KIAA1671: variants seen among roughly 807,000 people sequenced by gnomAD.
KIAA1671 encodes the protein uncharacterized protein KIAA1671.
Under a neutral mutation model 131.2 loss-of-function variants are expected in KIAA1671, and 52 were observed. That is an observed-to-expected ratio of 0.40 (90% CI 0.32 to 0.50). The LOEUF (loss-of-function observed/expected upper bound fraction) is 0.50. Among genes scored for constraint, KIAA1671 ranks in the 20% least tolerant of loss-of-function variants. The probability of loss-of-function intolerance (pLI) is 0.73; values close to 1 mark genes in which losing one functional copy is unlikely to be tolerated. For synonymous variants in KIAA1671, 1,003 were observed against 961.6 expected (o/e 1.04, Z -0.80); for missense variants, 2,360 against 2,364.2 (o/e 1.00, Z 0.04).
intron 1 of KIAA1671, among the ~76,000 whole-genome samples, chr22:25,021,790 T>C (rs1173486933): frequency 6.6e-6 from 1 of 151,964 alleles, no homozygotes; most frequent in African/African-American, 2.4e-5. Flanking sequence ...CCTGGCTCTT[T>C]TTCATTTTTT....
Position 25,039,666 on chromosome 22 carries a change from G to A in KIAA1671, c.2536G>A (p.Ala846Thr). Residue 846 changes from alanine to threonine, a missense_variant, in exon 5 of 13, where the codon GCC (alanine) becomes ACC (threonine). Physicochemically the swap from Ala to Thr is moderately conservative, Grantham distance 58. Around this residue, in one of 3 missense-constraint regions of KIAA1671, gnomAD observed 1,185 missense variants for 1,126.2 expected, o/e 1.05. Coordinates refer to ENST00000358431, the MANE Select transcript of KIAA1671 (RefSeq NM_001145206.2). ...CAGCGAAGAGCACTGTGCTCCCGGG[G>A]CCACCTCCGTCAGGGCTATCAAGGC... Reference protein sequence around the residue: ...AVSEEHCAPGATSVRAIKAAI... With the variant: ...AVSEEHCAPGTTSVRAIKAAI... 6.5e-7 allele frequency: 1 copy of A among 1,533,202 alleles called. No individual in the cohort carries two copies. Among genetic ancestry groups the A allele is most frequent in the Admixed American group, 2.0e-5 (1 of 50,382 alleles). 95.0% of individuals were successfully genotyped at this position (1,533,202 alleles called of 1,614,324 possible).
intron 6 of KIAA1671, among the ~76,000 whole-genome samples, chr22:25,119,805 C>T (rs556972819): frequency 3.3e-5 from 5 of 152,264 alleles, no homozygotes; most frequent in South Asian, 2.1e-4. Flanking sequence ...GAGGCAGGTT[C>T]GTGCCTGGTG....
intron 1 of KIAA1671, among the ~76,000 whole-genome samples, chr22:24,977,950 C>G (rs747254882): frequency 3.9e-5 from 6 of 152,168 alleles, no homozygotes; most frequent in Non-Finnish European, 7.3e-5. Context: ...TCTTTCAGAA[C>G]CTCAGGGCTC....
intron 6 of KIAA1671, among the ~76,000 whole-genome samples, chr22:25,144,581 T>C (rs1331119588): frequency 6.6e-6 from 1 of 152,224 alleles, no homozygotes; most frequent in African/African-American, 2.4e-5. Flanking sequence ...GGAATACCCT[T>C]CGGAGTCTCA....
At chr22:24,988,544 C>A (rs1194686524) in intron 1 of KIAA1671, among the ~76,000 whole-genome samples, 1 of 151,196 alleles carries the variant, frequency 6.6e-6, no homozygotes, top group African/African-American at 2.4e-5. Context: ...AGTTCAAGAC[C>A]AGCCACATGG....
At chr22:25,073,834 C>T (rs144004114) in intron 6 of KIAA1671, among the ~76,000 whole-genome samples, 9 of 152,290 alleles carry the variant, frequency 5.9e-5, no homozygotes, top group South Asian at 4.1e-4. Flanking sequence ...GCTGAGACTA[C>T]AGGTGCGTGC....
intron 6 of KIAA1671, among the ~76,000 whole-genome samples, chr22:25,136,855 GT>G (rs1932699711): frequency 6.6e-6 from 1 of 152,180 alleles, no homozygotes; most frequent in Admixed American, 6.5e-5. Context: ...CTTTTCCCTA[GT>G]TGGGGGATAG....
rs377079113 is a variant in KIAA1671 at position 24,952,997 on chromosome 22, G to A, written c.-208+225G>A. ...GAGGGAGGATCCCGGTTTGGGAGCC[G>A]GGGAATCCGTCTCCCGAGACTTGAG... On this transcript the variant is annotated intron_variant, in intron 1 of 12. Coordinates refer to ENST00000358431, the MANE Select transcript of KIAA1671 (RefSeq NM_001145206.2). The surrounding 1 kb of genome is among the most constrained non-coding windows in gnomAD (Gnocchi z 4.5). Among the ~76,000 whole-genome samples, 5 of 152,206 alleles carry A rather than the reference G, an allele frequency of 3.3e-5. No individual in the cohort carries two copies. The highest frequency in any genetic ancestry group is 4.8e-5 in the African/African-American group (2 of 41,470).
Position 25,041,306 on chromosome 22 carries a change from T to C in KIAA1671, c.4176T>C (p.Gly1392=), listed in dbSNP as rs1926910751. The part of the protein sequence containing the change: ...RGEEDSVAQW[G]DHPRDCGRVP... ...AGGAGGACAGTGTGGCCCAGTGGGG[T>C]GACCACCCACGTGACTGTGGACGGG... Residue 1392 remains glycine, a synonymous_variant, in exon 5 of 13, where the codon GGT becomes GGC. Transcript: ENST00000358431. The C allele has an allele frequency of 1.3e-6, 2 of 1,551,478 alleles. No individual in the cohort carries two copies. The highest frequency in any genetic ancestry group is 8.7e-7 in the Non-Finnish European group (1 of 1,146,956).
intron 6 of KIAA1671, among the ~76,000 whole-genome samples, chr22:25,134,076 C>G (rs1932569809): frequency 6.6e-6 from 1 of 152,230 alleles, no homozygotes; most frequent in South Asian, 2.1e-4. Flanking sequence ...CTCTTTGGAG[C>G]AAGCCTGAAG....
intron 6 of KIAA1671, among the ~76,000 whole-genome samples, chr22:25,068,443 GT>G (rs925581733): frequency 0.017 from 2,434 of 146,690 alleles, 36 homozygotes; most frequent in Non-Finnish European, 0.024. Flanking sequence ...TTTTTTTGTT[GT>G]TTTTTTTTTT....
At chr22:25,099,282 G>A (rs1930534978) in intron 6 of KIAA1671, among the ~76,000 whole-genome samples, 1 of 152,172 alleles carries the variant, frequency 6.6e-6, no homozygotes, top group African/African-American at 2.4e-5. Context: ...CAGAGAAGGT[G>A]AGGCTCAGAG....
At chr22:24,961,844 C>T (rs1226353522) in intron 1 of KIAA1671, among the ~76,000 whole-genome samples, 1 of 152,188 alleles carries the variant, frequency 6.6e-6, no homozygotes, top group Non-Finnish European at 1.5e-5. Flanking sequence ...GAGGGTCTGC[C>T]TGGAGGGCAT....
chr22:25,082,498 A>G (rs1929463998), intron 6 of KIAA1671, among the ~76,000 whole-genome samples: 1 of 152,202 alleles, frequency 6.6e-6, no homozygotes, highest in African/African-American at 2.4e-5. Context: ...ATGGATGACA[A>G]GGTTTTCAAG....
rs1926852200 is a variant in KIAA1671 at position 25,040,479 on chromosome 22, C to G, written c.3349C>G (p.Leu1117Val). ...TCCATCATCTCTTGGGGCCTGGAGT[C>G]TGGACCCTTTCAATGGAAGAATCAT... ...DRPSSLGAWS[L>V]DPFNGRIIDV... The change falls in exon 5 of 13, where the codon CTG (leucine) becomes GTG (valine). Residue 1117 changes from leucine to valine, a missense_variant. Leu to Val is a conservative substitution (Grantham distance 32). Transcript: ENST00000358431. 3 of 1,551,884 alleles carry G rather than the reference C, an allele frequency of 1.9e-6. No homozygotes were observed. Among genetic ancestry groups the G allele is most frequent in the South Asian group, 2.4e-5 (2 of 84,064 alleles).
chr22:25,195,139 A>T lies in KIAA1671; in HGVS notation c.*2738A>T, dbSNP rs1326751497. The T allele has an allele frequency of 6.6e-6, 1 of 152,102 alleles. No homozygotes were observed. 9.4% of individuals were successfully genotyped at this position (152,102 alleles called of 1,614,324 possible). On this transcript the variant is annotated 3_prime_UTR_variant, in exon 13 of 13. Transcript: ENST00000358431. ...GTCCTCAATGAGAGTTTCATGCAGA[A>T]TGGAAAATCCTCTATATGTACAATC...
chr22:24,969,062 C>G (rs1038859638), intron 1 of KIAA1671, among the ~76,000 whole-genome samples: 1 of 151,910 alleles, frequency 6.6e-6, no homozygotes, highest in Non-Finnish European at 1.5e-5. Context: ...ACCATGCCGG[C>G]TAATTTTTAA....
chr22:25,095,577 G>A (rs1930355223), intron 6 of KIAA1671, among the ~76,000 whole-genome samples: 1 of 152,212 alleles, frequency 6.6e-6, no homozygotes, highest in African/African-American at 2.4e-5. Context: ...CGTGAACCCA[G>A]GAGGTGGAGC....
chr22:25,039,103 T>G lies in KIAA1671; in HGVS notation c.1973T>G (p.Leu658Arg), dbSNP rs1926773636. Reference sequence around the variant, plus strand: ...CCGAGGCCTGAGATGGGCTCTTGGCTGGGCAGGGACCCACCAGACATGACA... The same window carrying G: ...CCGAGGCCTGAGATGGGCTCTTGGCGGGGCAGGGACCCACCAGACATGACA... The part of the protein sequence containing the change: ...PRPRPEMGSW[L>R]GRDPPDMTKL... The change falls in exon 5 of 13, where the codon CTG (leucine) becomes CGG (arginine). Residue 658 changes from leucine (L) to arginine (R), a missense_variant. Around this residue, in one of 3 missense-constraint regions of KIAA1671, gnomAD observed 1,185 missense variants for 1,126.2 expected, o/e 1.05. Coordinates refer to ENST00000358431, the MANE Select transcript of KIAA1671 (RefSeq NM_001145206.2). The G allele has an allele frequency of 6.4e-7, 1 of 1,551,466 alleles. No individual in the cohort carries two copies. The highest frequency in any genetic ancestry group is 1.2e-5 in the South Asian group (1 of 84,070).
Sources: allele counts gnomAD v4.1 joint callset (sites outside exome capture counted in the v4.1 genomes callset), GRCh38; gene constraint gnomAD v4.1.1; regional missense constraint gnomAD v4.1.1; non-coding constraint Gnocchi (gnomAD v3.1); transcripts MANE v1.5; gene names NCBI Gene and HGNC (gene_info 2026-07-23, HGNC 2026-07-21).